HTR7: variants seen among roughly 807,000 people sequenced by gnomAD.
The protein encoded by HTR7 is 5-HT-7.
A neutral mutation model predicts 34.0 loss-of-function variants in HTR7; 16 were observed. The ratio of observed to expected loss-of-function variants is 0.47; its 90% confidence interval spans 0.32 to 0.71. The LOEUF (loss-of-function observed/expected upper bound fraction) is 0.71. Among genes scored for constraint, HTR7 ranks in the 30% least tolerant of loss-of-function variants. HTR7 has a pLI of 0.04. For missense variants in HTR7, 504 were observed against 625.5 expected, an observed-to-expected ratio of 0.81 and a Z score of 2.07; for synonymous variants, 265 against 260.2, an observed-to-expected ratio of 1.02 and a Z score of -0.18.
intron 1 of HTR7, among the ~76,000 whole-genome samples, chr10:90,792,135 T>A (rs779256885): frequency 1.3e-5 from 2 of 152,140 alleles, no homozygotes; most frequent in Non-Finnish European, 2.9e-5. Context: ...TTATACAATC[T>A]CTGAATGACA....
At chr10:90,790,003 A>T (rs967509010) in intron 1 of HTR7, among the ~76,000 whole-genome samples, 1 of 152,186 alleles carries the variant, frequency 6.6e-6, no homozygotes, top group Non-Finnish European at 1.5e-5. Flanking sequence ...ATATCTACTT[A>T]GTGCACACCC....
At chr10:90,856,994 G>T (rs1846590460) in intron 1 of HTR7, 139 bp downstream of exon 1, 2 of 741,928 alleles carry the variant, frequency 2.7e-6, no homozygotes, top group African/African-American at 1.8e-5. Context: ...AGGGTGGATT[G>T]GGGGGAGCGG....
intron 1 of HTR7, among the ~76,000 whole-genome samples, chr10:90,756,393 C>A (rs930918053): frequency 6.6e-6 from 1 of 152,182 alleles, no homozygotes; most frequent in Non-Finnish European, 1.5e-5. Flanking sequence ...TAACAATACA[C>A]TGAACTTATC....
At chr10:90,750,507 A>G (rs1844716891) in intron 1 of HTR7, among the ~76,000 whole-genome samples, 1 of 152,192 alleles carries the variant, frequency 6.6e-6, no homozygotes, top group Admixed American at 6.5e-5. Context: ...CCTCATATTT[A>G]ATAGTCGTAG....
rs576150485 is a variant in HTR7, at chr10:90,810,840, C to T, written c.539+46293G>A. 1.4e-4 allele frequency among the ~76,000 whole-genome samples: 22 copies of T among 152,314 alleles called. 1 individual carries two copies. The South Asian group carries it at 4.6e-3, about 32-fold the overall frequency. On this transcript the variant is annotated intron_variant, in intron 1 of 3. Transcript: ENST00000336152. ...TTCAGTCAAGCCCAAATTTCTTCCT[C>T]ATCTGTTACCTGTCTCGGCGTAATT...
chr10:90,744,419 T>A (rs1361256736), intron 2 of HTR7, among the ~76,000 whole-genome samples: 1 of 151,778 alleles, frequency 6.6e-6, no homozygotes, highest in Non-Finnish European at 1.5e-5. Flanking sequence ...ATTTTCTACA[T>A]TTGGAGTTAT....
At chr10:90,777,209 G>A (rs534938108) in intron 1 of HTR7, among the ~76,000 whole-genome samples, 52 of 152,116 alleles carry the variant, frequency 3.4e-4, no homozygotes, top group African/African-American at 1.1e-3. Flanking sequence ...CAGGCCGGGC[G>A]TGGTGGCTCA....
chr10:90,774,768 A>T (rs1464706099), intron 1 of HTR7, among the ~76,000 whole-genome samples: 1 of 152,140 alleles, frequency 6.6e-6, no homozygotes, highest in Non-Finnish European at 1.5e-5. Flanking sequence ...TCACATACAA[A>T]CCAAGACCAG....
chr10:90,823,113 C>T (rs1486415470), intron 1 of HTR7, among the ~76,000 whole-genome samples: 1 of 152,200 alleles, frequency 6.6e-6, no homozygotes, highest in Non-Finnish European at 1.5e-5. Flanking sequence ...ACACAGAATC[C>T]CCACTGGGGC....
At chr10:90,764,166 T>A (rs1245839998) in intron 1 of HTR7, among the ~76,000 whole-genome samples, 1 of 152,332 alleles carries the variant, frequency 6.6e-6, no homozygotes, top group East Asian at 1.9e-4. Context: ...TGGCTGGAGA[T>A]GGTATCTCAT....
At chr10:90,845,861 GATC>G (rs1846407816) in intron 1 of HTR7, among the ~76,000 whole-genome samples, 1 of 152,192 alleles carries the variant, frequency 6.6e-6, no homozygotes, top group East Asian at 1.9e-4. Flanking sequence ...TTCACTCCGT[GATC>G]TTCTGCCCAA....
intron 1 of HTR7, among the ~76,000 whole-genome samples, chr10:90,761,669 G>A (rs1844939489): frequency 6.7e-6 from 1 of 149,264 alleles, no homozygotes; most frequent in South Asian, 2.1e-4. Context: ...TGTGTGGTGA[G>A]GTTTACTCTC....
intron 1 of HTR7, among the ~76,000 whole-genome samples, chr10:90,818,097 G>C (rs1845923969): frequency 6.6e-6 from 1 of 152,174 alleles, no homozygotes; most frequent in Non-Finnish European, 1.5e-5. Flanking sequence ...GGGTTGCTGT[G>C]GTTTAAATGT....
At chr10:90,817,133 C>T (rs1161642460) in intron 1 of HTR7, among the ~76,000 whole-genome samples, 2 of 152,084 alleles carry the variant, frequency 1.3e-5, no homozygotes, top group African/African-American at 2.4e-5. Context: ...CCAATCTTAG[C>T]CAAAAGGGGG....
chr10:90,762,349 C>T lies in HTR7; in HGVS notation c.540-12755G>A, dbSNP rs79520293. 3.0e-3 allele frequency among the ~76,000 whole-genome samples: 456 copies of T among 152,276 alleles called. 4 individuals carry two copies. The highest frequency in any genetic ancestry group is 0.01 in the African/African-American group (436 of 41,562). ...TATCCCAAAAAGTGTGAGGTGATCG[C>T]TCATTGTGGTTCTGTTTATGTTTCC... On this transcript the variant is annotated intron_variant, in intron 1 of 3. Coordinates refer to ENST00000336152, the MANE Select transcript of HTR7 (RefSeq NM_019859.4).
intron 1 of HTR7, among the ~76,000 whole-genome samples, chr10:90,790,864 A>C (rs1845450742): frequency 6.6e-6 from 1 of 152,104 alleles, no homozygotes; most frequent in South Asian, 2.1e-4. Flanking sequence ...AGAGTAAGAG[A>C]GAGAGAAAAT....
At chr10:90,792,232 G>A (rs1387831366) in intron 1 of HTR7, among the ~76,000 whole-genome samples, 1 of 152,056 alleles carries the variant, frequency 6.6e-6, no homozygotes, top group Non-Finnish European at 1.5e-5. Flanking sequence ...AAAGTAGTGC[G>A]AGTTAAAAAT....
chr10:90,857,724 C>G lies in HTR7; in HGVS notation c.-53G>C. Reference sequence around the variant, plus strand: ...AGCCGGCGCCCCGGCCACGCGCCTCCGGCTGCCGGCCCCGGGGCTTCACCT... The same window carrying G: ...AGCCGGCGCCCCGGCCACGCGCCTCGGGCTGCCGGCCCCGGGGCTTCACCT... On this transcript the variant is annotated 5_prime_UTR_variant, in exon 1 of 4. Coordinates refer to ENST00000336152, the MANE Select transcript of HTR7 (RefSeq NM_019859.4). The surrounding 1 kb of genome is among the most constrained non-coding windows in gnomAD (Gnocchi z 6.5). The G allele has an allele frequency of 3.5e-6, 5 of 1,411,894 alleles. No individual in the cohort carries two copies. The highest frequency in any genetic ancestry group is 4.6e-6 in the Non-Finnish European group (5 of 1,093,828). The allele number at this position is 1,411,894 out of a possible 1,614,324, so 87.5% of individuals were successfully genotyped here. A position where few individuals can be genotyped will look rare whatever the true frequency, so the allele number is the denominator to read the frequency against.
chr10:90,767,116 G>T (rs532944187), intron 1 of HTR7, among the ~76,000 whole-genome samples: 1 of 152,156 alleles, frequency 6.6e-6, no homozygotes, highest in Non-Finnish European at 1.5e-5. Flanking sequence ...CCATGGCCAG[G>T]CAGGGTGGGA....
Sources: gnomAD v4.1 joint callset for allele counts (sites outside exome capture counted in the v4.1 genomes callset) on GRCh38, gnomAD v4.1.1 for gene constraint, Gnocchi (gnomAD v3.1) non-coding constraint, MANE v1.5 for transcripts, NCBI Gene and HGNC (gene_info 2026-07-23, HGNC 2026-07-21) for gene names.